PDZRN3: variants seen among roughly 807,000 people sequenced by gnomAD.
The protein encoded by PDZRN3 is PDZ domain containing ring finger 3.
PDZRN3 carries 38 observed loss-of-function variants against 85.7 expected under a neutral mutation model. That is an observed-to-expected ratio of 0.44 (90% CI 0.34 to 0.58). The LOEUF is 0.58. Among genes scored for constraint, PDZRN3 ranks in the 20% least tolerant of loss-of-function variants. PDZRN3 has a pLI of 0.01. For synonymous variants in PDZRN3, 759 were observed against 638.0 expected (o/e 1.19, Z -2.86); for missense variants, 1,629 against 1,506.4 (o/e 1.08, Z -1.35).
intron 3 of PDZRN3, among the ~76,000 whole-genome samples, chr3:73,538,239 T>C (rs1035938974): frequency 1.3e-5 from 2 of 152,222 alleles, no homozygotes; most frequent in African/African-American, 4.8e-5. Flanking sequence ...CAAAAGACAT[T>C]CTCTAATTAC....
chr3:73,587,271 CT>C (rs906748175), intron 3 of PDZRN3, among the ~76,000 whole-genome samples: 17 of 152,274 alleles, frequency 1.1e-4, no homozygotes, highest in East Asian at 7.7e-4. Context: ...TCGCATGAAA[CT>C]TTTTTTCCAT....
intron 3 of PDZRN3, among the ~76,000 whole-genome samples, chr3:73,467,933 C>CA (rs1343102645): frequency 1.3e-5 from 2 of 151,968 alleles, no homozygotes; most frequent in African/African-American, 4.8e-5. Flanking sequence ...TGGAGGCTGC[C>CA]AGGGTTAGAG....
At chr3:73,502,427 T>C (rs1213059745) in intron 3 of PDZRN3, among the ~76,000 whole-genome samples, 1 of 152,206 alleles carries the variant, frequency 6.6e-6, no homozygotes, top group Non-Finnish European at 1.5e-5. Flanking sequence ...AACTGTTAGG[T>C]GGAGCTGAGA....
intron 3 of PDZRN3, among the ~76,000 whole-genome samples, chr3:73,472,103 G>A (rs74376515): frequency 0.017 from 2,629 of 152,262 alleles, 44 homozygotes; most frequent in Non-Finnish European, 0.027. Context: ...TTCACATCTG[G>A]TGTTAGCAAA....
rs1411545596 is a variant in PDZRN3 at position 73,401,048 on chromosome 3, T to C, written c.1167-39A>G. On this transcript the variant is annotated intron_variant, in intron 4 of 9. Coordinates refer to ENST00000263666, the MANE Select transcript of PDZRN3 (RefSeq NM_015009.3). ...CAACATCTTTACAGCCCTTCTTCCG[T>C]TGTCAGTATCTGTTTTTCTTACACC... is the stretch of plus-strand genomic sequence containing the variant. 4 of 1,431,632 alleles carry C rather than the reference T, an allele frequency of 2.8e-6. No individual in the cohort carries two copies. The East Asian group carries it at 9.1e-5, about 33-fold the overall frequency. The allele number at this position is 1,431,632 out of a possible 1,614,324, so 88.7% of individuals were successfully genotyped here. A position where few individuals can be genotyped will look rare whatever the true frequency, so the allele number is the denominator to read the frequency against.
At position 73,584,473 on chromosome 3, in the gene PDZRN3, GTGTGTGTGTGTGTGTGTGTGTGTGTGTA is replaced by G. The variant is rs1444305129; in HGVS notation, c.918+17853_918+17880del. Reference sequence around the variant, plus strand: ...TAATGGTGTGTGTGTGTGTGTGTGTGTGTGTGTGTGTGTGTGTGTGTGTGTGTATGCATATGCGTTGTGGATAAGAAAA... The same window carrying G: ...TAATGGTGTGTGTGTGTGTGTGTGTGTGCATATGCGTTGTGGATAAGAAAA... On this transcript the variant is annotated intron_variant, in intron 3 of 9. Coordinates refer to ENST00000263666, the MANE Select transcript of PDZRN3 (RefSeq NM_015009.3). Among the ~76,000 whole-genome samples, 11 of 103,826 alleles carry G rather than the reference GTGTGTGTGTGTGTGTGTGTGTGTGTGTA, an allele frequency of 1.1e-4. No individual in the cohort carries two copies. The East Asian group carries it at 1.8e-3, about 17-fold the overall frequency. 68.1% of individuals were successfully genotyped at this position (103,826 alleles called of 152,430 possible). A position where few individuals can be genotyped will look rare whatever the true frequency, so the allele number is the denominator to read the frequency against.
chr3:73,591,437 C>G (rs1210968575), intron 3 of PDZRN3, among the ~76,000 whole-genome samples: 1 of 152,136 alleles, frequency 6.6e-6, no homozygotes, highest in Non-Finnish European at 1.5e-5. Flanking sequence ...TAGGAAGTGG[C>G]AGCTCTTAAT....
chr3:73,589,963 ATAT>A (rs1575753267), intron 3 of PDZRN3, among the ~76,000 whole-genome samples: 2 of 152,124 alleles, frequency 1.3e-5, no homozygotes, highest in Admixed American at 6.5e-5. Flanking sequence ...AATCTGAAAA[ATAT>A]TATTTGTCAA....
At chr3:73,417,734 T>G (rs762993112) in intron 3 of PDZRN3, among the ~76,000 whole-genome samples, 1 of 152,228 alleles carries the variant, frequency 6.6e-6, no homozygotes, top group Non-Finnish European at 1.5e-5. Flanking sequence ...TCTGGCTCTA[T>G]CTACTGAATT....
chr3:73,406,548 G>A (rs1265161232), intron 3 of PDZRN3, among the ~76,000 whole-genome samples: 2 of 152,102 alleles, frequency 1.3e-5, no homozygotes, highest in Non-Finnish European at 2.9e-5. Flanking sequence ...GTGTGGCTGT[G>A]GTCAATACCA....
chr3:73,440,739 A>G (rs1343147567), intron 3 of PDZRN3, among the ~76,000 whole-genome samples: 1 of 152,212 alleles, frequency 6.6e-6, no homozygotes, highest in African/African-American at 2.4e-5. Context: ...GAGTTCGCAC[A>G]GTGAGTGTCT....
intron 3 of PDZRN3, among the ~76,000 whole-genome samples, chr3:73,467,298 C>G (rs1245277294): frequency 6.6e-6 from 1 of 152,244 alleles, no homozygotes; most frequent in Non-Finnish European, 1.5e-5. Context: ...CAACTGGAAT[C>G]TACCCAGGTG....
intron 4 of PDZRN3, among the ~76,000 whole-genome samples, chr3:73,403,888 C>A (rs1007720485): frequency 1.3e-5 from 2 of 152,166 alleles, no homozygotes; most frequent in Non-Finnish European, 1.5e-5. Context: ...TCTGAAACAA[C>A]TTTTACAACA....
intron 3 of PDZRN3, among the ~76,000 whole-genome samples, chr3:73,449,783 A>G (rs1419000232): frequency 6.6e-6 from 1 of 152,252 alleles, no homozygotes; most frequent in Non-Finnish European, 1.5e-5. Flanking sequence ...ACAGGCTGCA[A>G]AAGAATATAT....
At position 73,455,474 on chromosome 3, in the gene PDZRN3, A is replaced by G. The variant is rs148227813; in HGVS notation, c.919-51079T>C. ...GACTCCACACTTGTGAAAAAGACAT[A>G]TCAGATCTGGGAAGTCAAGGCATTG... On this transcript the variant is annotated intron_variant, in intron 3 of 9. Transcript: ENST00000263666. 6.9e-3 allele frequency among the ~76,000 whole-genome samples: 1,046 copies of G among 152,346 alleles called. 6 individuals are homozygous for G. The highest frequency in any genetic ancestry group is 0.061 in the Middle Eastern group (18 of 294).
At chr3:73,576,127 T>C (rs77154513) in intron 3 of PDZRN3, among the ~76,000 whole-genome samples, 1 of 149,828 alleles carries the variant, frequency 6.7e-6, no homozygotes, top group Non-Finnish European at 1.5e-5. Context: ...CACACACACA[T>C]ATGCACAGTG....
At chr3:73,477,742 C>T (rs532221115) in intron 3 of PDZRN3, among the ~76,000 whole-genome samples, 1 of 152,240 alleles carries the variant, frequency 6.6e-6, no homozygotes, top group Admixed American at 6.5e-5. Context: ...TCTCACACTG[C>T]TCTAAGAAAT....
intron 3 of PDZRN3, among the ~76,000 whole-genome samples, chr3:73,456,225 C>T (rs982092161): frequency 1.3e-5 from 2 of 151,772 alleles, no homozygotes; most frequent in African/African-American, 2.4e-5. Context: ...TGCGCGCGTG[C>T]GCTTCTCCTT....
At position 73,389,895 on chromosome 3, in the gene PDZRN3, C is replaced by T; in HGVS notation, c.1354-17G>A. On this transcript the variant is annotated splice_polypyrimidine_tract_variant and intron_variant, in intron 6 of 9. Transcript: ENST00000263666. ...AGGGTCAATCTGAAACACACATGGA[C>T]CATCTCAGCGCAAACGCAGACATGC... The T allele has an allele frequency of 6.2e-7, 1 of 1,604,544 alleles. No homozygotes were observed. The highest frequency in any genetic ancestry group is 8.5e-7 in the Non-Finnish European group (1 of 1,171,314).
Sources: allele counts gnomAD v4.1 joint callset (sites outside exome capture counted in the v4.1 genomes callset), GRCh38; gene constraint gnomAD v4.1.1; transcripts MANE v1.5; gene names NCBI Gene and HGNC (gene_info 2026-07-23, HGNC 2026-07-21).